Variants in KATNIP observed in about 807,000 individuals in gnomAD.
The protein encoded by KATNIP is katanin interacting protein.
KATNIP carries 126 observed loss-of-function variants against 174.0 expected under a neutral mutation model. The ratio of observed to expected loss-of-function variants is 0.72; its 90% CI spans 0.63 to 0.84. The LOEUF is 0.84. Among genes scored for constraint, KATNIP ranks in the 40% least tolerant of loss-of-function variants. The pLI is 0.00. For synonymous variants in KATNIP, 810 were observed against 835.7 expected (o/e 0.97, Z 0.53); for missense variants, 1,958 against 2,109.7 (o/e 0.93, Z 1.41).
chr16:27,648,507 T>A (rs957144759), intron 5 of KATNIP, 97 bp from the exon 6 acceptor site: 2 of 1,460,270 alleles, frequency 1.4e-6, no homozygotes, highest in East Asian at 4.6e-5. Context: ...TCTATGCCCA[T>A]AGATCCTGGC....
chr16:27,605,887 T>C (rs1228356991), intron 2 of KATNIP, among the ~76,000 whole-genome samples: 1 of 152,202 alleles, frequency 6.6e-6, no homozygotes, highest in African/African-American at 2.4e-5. Context: ...CCCAGCACTT[T>C]GGGAGGCCAA....
intron 2 of KATNIP, among the ~76,000 whole-genome samples, chr16:27,588,972 C>A (rs559293072): frequency 6.6e-6 from 1 of 151,024 alleles, no homozygotes; most frequent in South Asian, 2.1e-4. Flanking sequence ...CTGCAACCTC[C>A]GCCTTCCAGA....
intron 14 of KATNIP, chr16:27,727,704 T>C (rs907404505): frequency 5.3e-5 from 8 of 152,248 alleles, no homozygotes; most frequent in African/African-American, 1.9e-4. Flanking sequence ...AGTTTTCAAA[T>C]GAATGCAAAA....
chr16:27,764,153 G>T (rs1251046468), intron 19 of KATNIP, among the ~76,000 whole-genome samples: 1 of 152,184 alleles, frequency 6.6e-6, no homozygotes, highest in Non-Finnish European at 1.5e-5. Flanking sequence ...GCAATAAAGA[G>T]AGAATTTCCC....
chr16:27,729,444 C>T (rs1222152097), intron 14 of KATNIP, among the ~76,000 whole-genome samples: 1 of 152,206 alleles, frequency 6.6e-6, no homozygotes, highest in East Asian at 1.9e-4. Context: ...GTTGGATTTT[C>T]AATGGGAAAT....
At chr16:27,598,655 C>T (rs1356338147) in intron 2 of KATNIP, among the ~76,000 whole-genome samples, 2 of 152,192 alleles carry the variant, frequency 1.3e-5, no homozygotes, top group Non-Finnish European at 2.9e-5. Context: ...GTTCACAGTA[C>T]ATTTACAAGT....
chr16:27,625,788 T>G (rs906606773), intron 3 of KATNIP, among the ~76,000 whole-genome samples: 2 of 152,204 alleles, frequency 1.3e-5, no homozygotes, highest in African/African-American at 4.8e-5. Flanking sequence ...CACACAGTTT[T>G]CCAACATTAC....
chr16:27,690,140 A>T (rs1555473850), intron 8 of KATNIP, among the ~76,000 whole-genome samples: 1 of 151,358 alleles, frequency 6.6e-6, no homozygotes, highest in Non-Finnish European at 1.5e-5. Context: ...TCATCTCTAC[A>T]AATAATAATA....
At chr16:27,720,460 A>G (rs1335748644) in intron 13 of KATNIP, among the ~76,000 whole-genome samples, 1 of 148,484 alleles carries the variant, frequency 6.7e-6, no homozygotes, top group Non-Finnish European at 1.5e-5. Flanking sequence ...GTGTGCATTC[A>G]TGTAGTCATT....
At chr16:27,578,390 C>T (rs1271069223) in intron 2 of KATNIP, among the ~76,000 whole-genome samples, 1 of 152,124 alleles carries the variant, frequency 6.6e-6, no homozygotes, top group African/African-American at 2.4e-5. Context: ...TCTTTGTACC[C>T]TGTGCCTGGC....
At chr16:27,606,740 T>C (rs2075719378) in intron 2 of KATNIP, among the ~76,000 whole-genome samples, 5 of 152,022 alleles carry the variant, frequency 3.3e-5, no homozygotes, top group Admixed American at 3.3e-4. Context: ...AACTTTTTTT[T>C]TTTTTGGTAG....
At chr16:27,706,190 C>T (rs2079297218) in intron 12 of KATNIP, among the ~76,000 whole-genome samples, 1 of 150,134 alleles carries the variant, frequency 6.7e-6, no homozygotes, top group African/African-American at 2.5e-5. Context: ...CTGCTCCCTC[C>T]TCATGGTCCC....
At chr16:27,566,333 G>A (rs1567442036) in intron 1 of KATNIP, among the ~76,000 whole-genome samples, 1 of 152,182 alleles carries the variant, frequency 6.6e-6, no homozygotes, top group Non-Finnish European at 1.5e-5. Flanking sequence ...GAGGTCAGGA[G>A]TTCGAGACCA....
intron 11 of KATNIP, 42 bp downstream of exon 11, chr16:27,701,737 T>C: frequency 7.4e-7 from 1 of 1,344,630 alleles, no homozygotes; most frequent in Non-Finnish European, 1.0e-6. Context: ...CCCTTAGCAG[T>C]GCAGCCATGG....
chr16:27,653,257 A>C (rs2142379692), intron 6 of KATNIP, among the ~76,000 whole-genome samples: 1 of 152,324 alleles, frequency 6.6e-6, no homozygotes, highest in East Asian at 1.9e-4. Context: ...AGACAGGGCC[A>C]CCCTGAAGTC....
intron 13 of KATNIP, 53 bp from the exon 14 acceptor site, chr16:27,721,505 T>G: frequency 6.2e-7 from 1 of 1,610,976 alleles, no homozygotes; most frequent in Non-Finnish European, 8.5e-7. Flanking sequence ...CATTTTACTT[T>G]GGGGAGAGGC....
intron 2 of KATNIP, among the ~76,000 whole-genome samples, chr16:27,575,044 A>G (rs1347933826): frequency 6.6e-6 from 1 of 152,194 alleles, no homozygotes; most frequent in Non-Finnish European, 1.5e-5. Context: ...GGTTAAGTGA[A>G]ACACAGTCCT....
chr16:27,740,931 A>G lies in KATNIP; in HGVS notation c.2623+11A>G, dbSNP rs2081084703. The stretch of plus-strand genomic sequence containing the variant: ...AGCCAGCCAGCAGAGGTAAGCTCCA[A>G]AGAGCAGCCCGACTTGGGCATCATC... On this transcript the variant is annotated intron_variant, in intron 15 of 27. Coordinates refer to ENST00000261588, the MANE Select transcript of KATNIP (RefSeq NM_015202.5). The G allele has an allele frequency of 6.3e-7, 1 of 1,579,760 alleles. No homozygotes were observed. The highest frequency in any genetic ancestry group is 1.3e-5 in the African/African-American group (1 of 74,708).
intron 6 of KATNIP, among the ~76,000 whole-genome samples, chr16:27,655,177 G>GATAT (rs869205308): frequency 1.7e-3 from 67 of 38,536 alleles, no homozygotes; most frequent in Non-Finnish European, 2.9e-3. Flanking sequence ...CCCTAGAATG[G>GATAT]ATATATATAT....
Sources: allele counts gnomAD v4.1 joint callset (sites outside exome capture counted in the v4.1 genomes callset), GRCh38; gene constraint gnomAD v4.1.1; transcripts MANE v1.5; gene names NCBI Gene and HGNC (gene_info 2026-07-23, HGNC 2026-07-21).